Variants in SLC16A2 observed in about 807,000 individuals in gnomAD.
SLC16A2 encodes solute carrier family 16 member 2.
In SLC16A2, 3 loss-of-function variants were observed where a neutral mutation model predicts 27.2. That is an observed-to-expected ratio of 0.11 (90% CI 0.05 to 0.28). The LOEUF (loss-of-function observed/expected upper bound fraction) is 0.28, where lower values mean the gene tolerates loss of function less well. SLC16A2 is among the 10% of genes least tolerant of loss of function. The pLI is 1.00. For missense variants in SLC16A2, 295 were observed against 458.5 expected (o/e 0.64, Z 3.26); for synonymous variants, 202 against 187.8 (o/e 1.08, Z -0.62).
chrX:74,504,663 G>A (rs1261247331), intron 1 of SLC16A2, among the ~76,000 whole-genome samples: 1 of 112,089 alleles, frequency 8.9e-6, no homozygotes, highest in Non-Finnish European at 1.9e-5. Context: ...GAAAACTGAG[G>A]CTTAGAGATG....
intron 1 of SLC16A2, among the ~76,000 whole-genome samples, chrX:74,468,963 C>T (rs1342737027): frequency 9.0e-6 from 1 of 111,609 alleles, no homozygotes; most frequent in Non-Finnish European, 1.9e-5. Flanking sequence ...GCCAACCCTT[C>T]TTTATCCCCC....
intron 1 of SLC16A2, among the ~76,000 whole-genome samples, chrX:74,503,653 C>T (rs759061242): frequency 1.8e-5 from 2 of 111,755 alleles, no homozygotes; most frequent in South Asian, 7.5e-4. Flanking sequence ...TCAGAAGACC[C>T]AAAGTTAGGC....
At chrX:74,454,722 TA>T (rs576182828) in intron 1 of SLC16A2, among the ~76,000 whole-genome samples, 2,084 of 105,733 alleles carry the variant, frequency 0.02, 32 homozygotes, top group Middle Eastern at 0.069. Flanking sequence ...AAACTTAAAA[TA>T]AAAAAAAAAA....
chrX:74,447,724 A>G (rs1928863175), intron 1 of SLC16A2, among the ~76,000 whole-genome samples: 2 of 108,949 alleles, frequency 1.8e-5, no homozygotes, highest in African/African-American at 6.7e-5. Context: ...CATGCCTGCA[A>G]TCCCAGCACT....
chrX:74,446,480 G>A (rs1439512609), intron 1 of SLC16A2, among the ~76,000 whole-genome samples: 1 of 111,459 alleles, frequency 9.0e-6, no homozygotes, highest in African/African-American at 3.3e-5. Flanking sequence ...AATTAGCCAG[G>A]TGTGGTGGCA....
chrX:74,468,194 C>T (rs768680340), intron 1 of SLC16A2, among the ~76,000 whole-genome samples: 3 of 111,516 alleles, frequency 2.7e-5, no homozygotes, highest in Non-Finnish European at 5.6e-5. Flanking sequence ...ACCATTACCA[C>T]GATCAATTTT....
At chrX:74,427,853 C>T (rs1436324415) in intron 1 of SLC16A2, among the ~76,000 whole-genome samples, 1 of 110,121 alleles carries the variant, frequency 9.1e-6, no homozygotes, top group Non-Finnish European at 1.9e-5. Context: ...CCATACCCTA[C>T]ACCCTAAGCC....
At chrX:74,491,432 G>A (rs778548856) in intron 1 of SLC16A2, among the ~76,000 whole-genome samples, 4 of 112,263 alleles carry the variant, frequency 3.6e-5, no homozygotes, top group African/African-American at 6.5e-5. Flanking sequence ...CTAAGATAAA[G>A]GATTGTGGAG....
At position 74,474,942 on chromosome X, in the gene SLC16A2, G is replaced by A. The variant is rs761372271; in HGVS notation, c.431-46048G>A. Among the ~76,000 whole-genome samples, 717 of 110,615 alleles carry A rather than the reference G, an allele frequency of 6.5e-3. 5 individuals carry two copies. The highest frequency in any genetic ancestry group is 0.022 in the African/African-American group (677 of 30,316). On this transcript the variant is annotated intron_variant, in intron 1 of 5. Transcript: ENST00000587091. ...GTGAATAGTGCCGCAATAACCATAC[G>A]TGTGCATGTGTCTTTATAGCAGCAT...
intron 1 of SLC16A2, among the ~76,000 whole-genome samples, chrX:74,445,567 A>G (rs768680526): frequency 9.5e-5 from 10 of 105,652 alleles, no homozygotes; most frequent in Non-Finnish European, 2.0e-4. Flanking sequence ...GTAGACCATG[A>G]CAGATCTACC....
intron 1 of SLC16A2, among the ~76,000 whole-genome samples, chrX:74,482,119 T>G (rs1014076759): frequency 9.0e-6 from 1 of 111,409 alleles, no homozygotes; most frequent in Admixed American, 9.6e-5. Context: ...AATATGTCAT[T>G]CCTCTATGTC....
At chrX:74,514,081 G>A (rs951302192) in intron 1 of SLC16A2, among the ~76,000 whole-genome samples, 17 of 111,377 alleles carry the variant, frequency 1.5e-4, no homozygotes, top group African/African-American at 5.2e-4. Flanking sequence ...TAAAAATGCT[G>A]GACATTATAT....
At chrX:74,468,800 T>A (rs905783376) in intron 1 of SLC16A2, among the ~76,000 whole-genome samples, 2 of 112,299 alleles carry the variant, frequency 1.8e-5, no homozygotes, top group African/African-American at 6.5e-5. Flanking sequence ...TCCATCACCT[T>A]AAACATTTAT....
At chrX:74,483,725 C>T (rs1010805525) in intron 1 of SLC16A2, among the ~76,000 whole-genome samples, 2 of 111,289 alleles carry the variant, frequency 1.8e-5, no homozygotes, top group Non-Finnish European at 3.8e-5. Flanking sequence ...GAGCAGGGTG[C>T]TGGGCAGGAA....
At chrX:74,478,641 G>T (rs749980016) in intron 1 of SLC16A2, among the ~76,000 whole-genome samples, 104 of 111,010 alleles carry the variant, frequency 9.4e-4, no homozygotes, top group African/African-American at 3.1e-3. Flanking sequence ...TTTCCATGTT[G>T]AGTGCTTCCT....
At chrX:74,498,372 T>C (rs1929973055) in intron 1 of SLC16A2, among the ~76,000 whole-genome samples, 1 of 103,951 alleles carries the variant, frequency 9.6e-6, no homozygotes, top group South Asian at 4.6e-4. Flanking sequence ...AGAAGTGGAC[T>C]CAAGACTCAT....
intron 1 of SLC16A2, among the ~76,000 whole-genome samples, chrX:74,448,158 C>T (rs970746203): frequency 1.8e-5 from 2 of 111,169 alleles, no homozygotes; most frequent in Non-Finnish European, 3.8e-5. Flanking sequence ...GTATGTTGAA[C>T]ATATACCTTC....
At chrX:74,431,359 C>A (rs1417180173) in intron 1 of SLC16A2, among the ~76,000 whole-genome samples, 1 of 112,007 alleles carries the variant, frequency 8.9e-6, no homozygotes, top group Admixed American at 9.5e-5. Flanking sequence ...TTATCCTAAG[C>A]GAATTAACAA....
At chrX:74,429,030 G>A (rs973758583) in intron 1 of SLC16A2, among the ~76,000 whole-genome samples, 1 of 110,809 alleles carries the variant, frequency 9.0e-6, no homozygotes, top group Non-Finnish European at 1.9e-5. Context: ...GTTGTAGAGG[G>A]GTCAGAGAAG....
Sources: gnomAD v4.1 joint callset for allele counts (sites outside exome capture counted in the v4.1 genomes callset) on GRCh38, gnomAD v4.1.1 for gene constraint, MANE v1.5 for transcripts, NCBI Gene and HGNC (gene_info 2026-07-23, HGNC 2026-07-21) for gene names.